Variants in CHLSN observed in about 807,000 individuals in gnomAD.
The protein encoded by CHLSN is cholesin.
the CHLSN span, among the ~76,000 whole-genome samples, chr7:1,063,593 C>T: frequency 5.3e-5 from 8 of 152,210 alleles, no homozygotes; most frequent in African/African-American, 1.9e-4. Flanking sequence ...CTGCGTGGGG[C>T]ACTCCTCGGG....
At chr7:991,212 T>C in the CHLSN span, among the ~76,000 whole-genome samples, 1 of 152,100 alleles carries the variant, frequency 6.6e-6, no homozygotes, top group Non-Finnish European at 1.5e-5. Flanking sequence ...GAGTGACGGC[T>C]GAGCTTCCCC....
the CHLSN span, among the ~76,000 whole-genome samples, chr7:1,038,447 CA>C: frequency 3.5e-4 from 28 of 80,014 alleles, 1 homozygote; most frequent in African/African-American, 1.5e-3. Flanking sequence ...GTCAGCCCCC[CA>C]ACCCGGCCAG....
At chr7:1,102,384 A>G in the CHLSN span, among the ~76,000 whole-genome samples, 284 of 152,306 alleles carry the variant, frequency 1.9e-3, no homozygotes, top group Admixed American at 3.9e-3. Context: ...GAGGGGGAGA[A>G]GAAGGGAAAA....
chr7:1,044,964 G>A, the CHLSN span, among the ~76,000 whole-genome samples: 1 of 152,260 alleles, frequency 6.6e-6, no homozygotes, highest in Non-Finnish European at 1.5e-5. Context: ...TGTCCGACAG[G>A]GCACCACTGA....
the CHLSN span, among the ~76,000 whole-genome samples, chr7:1,116,174 G>A: frequency 7.1e-5 from 9 of 127,312 alleles, no homozygotes; most frequent in Non-Finnish European, 1.3e-4. Context: ...CATCACCAAC[G>A]CCCACGCAGG....
At chr7:1,096,984 A>G in the CHLSN span, among the ~76,000 whole-genome samples, 1 of 152,176 alleles carries the variant, frequency 6.6e-6, no homozygotes, top group African/African-American at 2.4e-5. The surrounding 1 kb of genome is among the most constrained non-coding windows in gnomAD (Gnocchi z 4.6). Flanking sequence ...AACTGGGCAC[A>G]TGAGGCAATG....
the CHLSN span, chr7:1,091,700 A>T: frequency 6.7e-7 from 1 of 1,491,856 alleles, no homozygotes; most frequent in Non-Finnish European, 9.0e-7. Flanking sequence ...GCCTTTCGGC[A>T]AATCTTGAAA....
chr7:1,114,245 T>G, the CHLSN span, among the ~76,000 whole-genome samples: 1 of 152,206 alleles, frequency 6.6e-6, no homozygotes, highest in African/African-American at 2.4e-5. Flanking sequence ...CTGGGCCTCT[T>G]CCACGTGGTA....
At chr7:993,530 G>A in the CHLSN span, among the ~76,000 whole-genome samples, 2 of 152,166 alleles carry the variant, frequency 1.3e-5, no homozygotes, top group African/African-American at 2.4e-5. Flanking sequence ...TCCCAGGCAC[G>A]GTGGGAGGCC....
At chr7:1,011,625 T>TAC in the CHLSN span, among the ~76,000 whole-genome samples, 2 of 122,050 alleles carry the variant, frequency 1.6e-5, no homozygotes, top group Non-Finnish European at 3.4e-5. Context: ...CACACCCAGA[T>TAC]ACACACCCAG....
chr7:1,124,508 A>C, the CHLSN span, among the ~76,000 whole-genome samples: 1 of 141,988 alleles, frequency 7.0e-6, no homozygotes, highest in Non-Finnish European at 1.5e-5. Context: ...ACCCAAACTA[A>C]AAAGCACAAC....
At chr7:1,057,199 C>T in the CHLSN span, among the ~76,000 whole-genome samples, 5 of 152,282 alleles carry the variant, frequency 3.3e-5, no homozygotes, top group African/African-American at 4.8e-5. Flanking sequence ...ACCCAGGCCT[C>T]GCAGCAGCCC....
chr7:988,306 G>C, the CHLSN span: 2 of 1,605,012 alleles, frequency 1.2e-6, no homozygotes, highest in Non-Finnish European at 1.7e-6. Context: ...TGCTGACCTC[G>C]GTGCTCCTGG....
At chr7:1,092,325 G>A in the CHLSN span, 3 of 1,611,484 alleles carry the variant, frequency 1.9e-6, no homozygotes, top group Non-Finnish European at 2.5e-6. Flanking sequence ...TGCACCTGCA[G>A]CACACCGACG....
At chr7:994,490 G>A in the CHLSN span, among the ~76,000 whole-genome samples, 12 of 151,824 alleles carry the variant, frequency 7.9e-5, no homozygotes, top group East Asian at 5.8e-4. Flanking sequence ...TTTAGATGCC[G>A]GCTCTTGCTG....
chr7:1,111,633 C>CTAAAAAAA, the CHLSN span, among the ~76,000 whole-genome samples: 1 of 152,126 alleles, frequency 6.6e-6, no homozygotes, highest in Admixed American at 6.6e-5. Flanking sequence ...GACTCTGTCC[C>CTAAAAAAA]TACAAAAAAT....
the CHLSN span, among the ~76,000 whole-genome samples, chr7:1,070,099 A>C: frequency 1.2e-4 from 7 of 57,356 alleles, no homozygotes; most frequent in African/African-American, 3.3e-4. Flanking sequence ...AAGTGAGGAG[A>C]CCCTCTGCCT....
chr7:1,041,713 C>T, the CHLSN span, among the ~76,000 whole-genome samples: 2 of 152,232 alleles, frequency 1.3e-5, 1 homozygote, highest in South Asian at 4.1e-4. Flanking sequence ...CAGCACGGCA[C>T]ACACTATCAG....
chr7:1,063,305 G>A, the CHLSN span, among the ~76,000 whole-genome samples: 6 of 152,182 alleles, frequency 3.9e-5, no homozygotes, highest in South Asian at 2.1e-4. Context: ...GCTGGCAGCC[G>A]GTCTGGCAAC....
Sources: gnomAD v4.1 joint callset for allele counts (sites outside exome capture counted in the v4.1 genomes callset) on GRCh38, gnomAD v4.1.1 for gene constraint, Gnocchi (gnomAD v3.1) non-coding constraint, MANE v1.5 for transcripts, NCBI Gene and HGNC (gene_info 2026-07-23, HGNC 2026-07-21) for gene names.